The following SYT13 variants were observed in gnomAD, a reference collection of about 807,000 sequenced individuals.
The protein encoded by SYT13 is synaptotagmin 13.
SYT13 carries 21 observed loss-of-function variants against 38.6 expected under a neutral mutation model. The observed-to-expected ratio is 0.54, with a 90% CI of 0.39 to 0.78. The LOEUF (loss-of-function observed/expected upper bound fraction) is 0.78, where lower values mean the gene tolerates loss of function less well. Among genes scored for constraint, SYT13 ranks in the 30% least tolerant of loss-of-function variants. SYT13 has a pLI of 0.00. For synonymous variants in SYT13, 241 were observed against 237.6 expected (o/e 1.01, Z -0.13); for missense variants, 495 against 548.7 (o/e 0.90, Z 0.98).
At chr11:45,255,256 C>T (rs1261958853) in intron 2 of SYT13, among the ~76,000 whole-genome samples, 1 of 152,202 alleles carries the variant, frequency 6.6e-6, no homozygotes, top group Non-Finnish European at 1.5e-5. Flanking sequence ...CCCTACCAGA[C>T]AGATAATAGT....
chr11:45,244,025 C>G lies in SYT13; in HGVS notation c.*27G>C. On this transcript the variant is annotated 3_prime_UTR_variant, in exon 6 of 6. Transcript: ENST00000020926. The stretch of plus-strand genomic sequence containing the variant: ...TTGCAGAGGACGGGTCAGGGCTGTC[C>G]AAGAAGGGAGGCAGCTGGGCAGCTG... 1.9e-6 allele frequency: 3 copies of G among 1,571,782 alleles called. No homozygotes were observed. Among genetic ancestry groups the G allele is most frequent in the African/African-American group, 1.3e-5 (1 of 74,674 alleles).
Position 45,252,600 on chromosome 11 carries a change from C to T in SYT13, c.667G>A (p.Glu223Lys). Residue 223 changes from glutamate (E) to lysine (K), a missense_variant, in exon 4 of 6, where the codon GAG becomes AAG. Coordinates refer to ENST00000020926, the MANE Select transcript of SYT13 (RefSeq NM_020826.3). This position sits in a 1 kb window ranked among gnomAD's most constrained non-coding sequence, Gnocchi z 4.3. Reference sequence around the variant, plus strand: ...TCCGCCAGGGGGAGCACCAGGCCCTCCTCCCAGGTGGTGTGCAGCTGCCGC... The same window carrying T: ...TCCGCCAGGGGGAGCACCAGGCCCTTCTCCCAGGTGGTGTGCAGCTGCCGC... ...KKRQLHTTWE[E>K]GLVLPLAEEE... 6.2e-7 allele frequency: 1 copy of T among 1,614,196 alleles called. No homozygotes were observed. The highest frequency in any genetic ancestry group is 8.5e-7 in the Non-Finnish European group (1 of 1,180,028).
At chr11:45,248,167 A>G (rs1854635400) in intron 4 of SYT13, among the ~76,000 whole-genome samples, 1 of 152,326 alleles carries the variant, frequency 6.6e-6, no homozygotes, top group Non-Finnish European at 1.5e-5. Flanking sequence ...TCATATGAAG[A>G]AATGATTTGG....
chr11:45,267,172 G>A (rs1854893465), intron 1 of SYT13, among the ~76,000 whole-genome samples: 1 of 152,220 alleles, frequency 6.6e-6, no homozygotes, highest in African/African-American at 2.4e-5. Flanking sequence ...CCGCTAGGGG[G>A]CGGTAGAGGG....
chr11:45,272,009 C>T (rs1854955394), intron 1 of SYT13, among the ~76,000 whole-genome samples: 1 of 152,164 alleles, frequency 6.6e-6, no homozygotes. Flanking sequence ...GAATACTATG[C>T]AGCCATAAAA....
chr11:45,246,063 G>T (rs1174475460), intron 5 of SYT13, among the ~76,000 whole-genome samples: 1 of 152,168 alleles, frequency 6.6e-6, no homozygotes, highest in African/African-American at 2.4e-5. Context: ...TCTGACCCTT[G>T]GCTTCTTGTG....
chr11:45,286,137 C>T lies in SYT13; in HGVS notation c.71G>A (p.Cys24Tyr). Residue 24 changes from cysteine to tyrosine, a missense_variant, in exon 1 of 6, where the codon TGC becomes TAC. Physicochemically the swap from Cys to Tyr is radical, Grantham distance 194. Coordinates refer to ENST00000020926, the MANE Select transcript of SYT13 (RefSeq NM_020826.3). ...GTGCCGACACAGGCAGGTGACCCCG[C>T]ACAACGCGAGGATGCTGGTGGCTGT... is the stretch of plus-strand genomic sequence containing the variant. Reference protein sequence around the residue: ...LGTATSILALCGVTCLCRHMH... With the variant: ...LGTATSILALYGVTCLCRHMH... 1 of 1,596,564 alleles carries T rather than the reference C, an allele frequency of 6.3e-7. No individual in the cohort carries two copies. Among genetic ancestry groups the T allele is most frequent in the Non-Finnish European group, 8.5e-7 (1 of 1,174,148 alleles).
rs187246389 is a variant in SYT13 at position 45,258,407 on chromosome 11, G to C, written c.184-2516C>G. On this transcript the variant is annotated intron_variant, in intron 1 of 5. Transcript: ENST00000020926. ...CTGCCGCTGGAGCTGGGTCACTTTG[G>C]GCAGGTCATTTCACCTCTCTGGGCC... is the stretch of plus-strand genomic sequence containing the variant. 3 of 152,178 alleles carry C rather than the reference G, an allele frequency of 2.0e-5. No individual in the cohort carries two copies. The East Asian group carries it at 5.8e-4, about 29-fold the overall frequency. The allele number at this position is 152,178 out of a possible 1,614,324, so 9.4% of individuals were successfully genotyped here.
chr11:45,257,037 A>C (rs879407470), intron 1 of SYT13, among the ~76,000 whole-genome samples: 11 of 152,218 alleles, frequency 7.2e-5, no homozygotes, highest in Non-Finnish European at 1.3e-4. Context: ...CACTGCACAA[A>C]AATCTCTGGA....
intron 2 of SYT13, among the ~76,000 whole-genome samples, chr11:45,255,046 A>G (rs532193360): frequency 6.6e-6 from 1 of 152,110 alleles, no homozygotes; most frequent in East Asian, 1.9e-4. Flanking sequence ...AGCCTGGGAG[A>G]TTGAGGCTGC....
At chr11:45,283,506 T>C (rs577906113) in intron 1 of SYT13, among the ~76,000 whole-genome samples, 2 of 152,250 alleles carry the variant, frequency 1.3e-5, no homozygotes, top group Non-Finnish European at 2.9e-5. Flanking sequence ...TTACTTGCTT[T>C]GAAATGTCAA....
intron 1 of SYT13, among the ~76,000 whole-genome samples, chr11:45,267,222 C>T (rs918580918): frequency 1.3e-5 from 2 of 152,176 alleles, no homozygotes; most frequent in Non-Finnish European, 2.9e-5. Flanking sequence ...GAATCCCCTG[C>T]GGAACCACCA....
chr11:45,270,227 G>A (rs1854933658), intron 1 of SYT13, among the ~76,000 whole-genome samples: 1 of 152,180 alleles, frequency 6.6e-6, no homozygotes, highest in East Asian at 1.9e-4. Flanking sequence ...AAGCATCTCA[G>A]CTCTGCATAA....
rs139097593 is a variant in SYT13, at chr11:45,252,183, G to A, written c.846+238C>T. Among the ~76,000 whole-genome samples, 48 of 152,296 alleles carry A rather than the reference G, an allele frequency of 3.2e-4. No homozygotes were observed. The highest frequency in any genetic ancestry group is 3.4e-3 in the Middle Eastern group (1 of 294). ...GGCATTTTCCATGACGGCAGAGAGA[G>A]TCTTTGCATGGCAAGTTAGAGCCAA... On this transcript the variant is annotated intron_variant, in intron 4 of 5. Coordinates refer to ENST00000020926, the MANE Select transcript of SYT13 (RefSeq NM_020826.3). This position sits in a 1 kb window ranked among gnomAD's most constrained non-coding sequence, Gnocchi z 4.3.
intron 1 of SYT13, among the ~76,000 whole-genome samples, chr11:45,284,025 G>A (rs1472132255): frequency 6.6e-6 from 1 of 152,192 alleles, no homozygotes; most frequent in Non-Finnish European, 1.5e-5. Flanking sequence ...TCCTCCCTGA[G>A]ACTTTAAATG....
chr11:45,279,987 ACC>A (rs34949779), intron 1 of SYT13, among the ~76,000 whole-genome samples: 2 of 152,026 alleles, frequency 1.3e-5, no homozygotes, highest in Non-Finnish European at 2.9e-5. Context: ...TTCCCATGGC[ACC>A]CTGTGCTTCC....
In SYT13 at chr11:45,254,362, T is replaced by C. The variant is rs1272207578; in HGVS notation, c.452A>G (p.Glu151Gly). The change falls in exon 3 of 6, where the codon GAG (glutamate) becomes GGG (glycine). Residue 151 changes from glutamate to glycine, a missense_variant. Glu to Gly is a moderately conservative substitution (Grantham distance 98). Coordinates refer to ENST00000020926, the MANE Select transcript of SYT13 (RefSeq NM_020826.3). ...GGCCTGGTTCCAACTGGCAGCCTTC[T>C]CTGGGTTCCAGGTCTCCATGACACA... ...DVCVMETWNP[E>G]KAASWNQAPK... The C allele has an allele frequency of 5.0e-6, 8 of 1,613,654 alleles. No homozygotes were observed. The highest frequency in any genetic ancestry group is 5.9e-6 in the Non-Finnish European group (7 of 1,179,896).
intron 4 of SYT13, among the ~76,000 whole-genome samples, chr11:45,248,962 C>G (rs1404792335): frequency 6.6e-6 from 1 of 152,174 alleles, no homozygotes; most frequent in Non-Finnish European, 1.5e-5. Flanking sequence ...TTTTCCCTGC[C>G]CCTCTCTTTC....
chr11:45,285,918 C>T, intron 1 of SYT13, 107 bp downstream of exon 1: 1 of 1,485,598 alleles, frequency 6.7e-7, no homozygotes, highest in Non-Finnish European at 9.1e-7. Flanking sequence ...CCCCGCCAAG[C>T]TTTGTCGCGC....
Sources: gnomAD v4.1 joint callset for allele counts (sites outside exome capture counted in the v4.1 genomes callset) on GRCh38, gnomAD v4.1.1 for gene constraint, Gnocchi (gnomAD v3.1) non-coding constraint, MANE v1.5 for transcripts, NCBI Gene and HGNC (gene_info 2026-07-23, HGNC 2026-07-21) for gene names.